Variants in SERINC5 observed in about 807,000 individuals in gnomAD.
SERINC5 encodes chromosome 5 open reading frame 12.
A neutral mutation model predicts 63.1 loss-of-function variants in SERINC5; 41 were observed. That is an observed-to-expected ratio of 0.65 (90% CI 0.51 to 0.84). The LOEUF (loss-of-function observed/expected upper bound fraction) is 0.84. Among genes scored for constraint, SERINC5 ranks in the 40% least tolerant of loss-of-function variants. The pLI is 0.00. For missense variants in SERINC5, 523 were observed against 573.0 expected (o/e 0.91, Z 0.89); for synonymous variants, 222 against 215.2 (o/e 1.03, Z -0.28).
chr5:80,135,866 T>C (rs1399049371), downstream of SERINC5, among the ~76,000 whole-genome samples: 1 of 146,004 alleles, frequency 6.8e-6, no homozygotes, highest in African/African-American at 2.5e-5. Context: ...AGTATCTATG[T>C]GGGAAGAAGC....
chr5:80,177,692 G>A (rs1203445286), intron 3 of SERINC5, among the ~76,000 whole-genome samples, 194 bp downstream of exon 3: 1 of 152,156 alleles, frequency 6.6e-6, no homozygotes, highest in Non-Finnish European at 1.5e-5. Context: ...TCGCATCATG[G>A]TACCAGGTGT....
chr5:80,206,617 G>A (rs571562193), intron 1 of SERINC5, among the ~76,000 whole-genome samples: 1 of 152,190 alleles, frequency 6.6e-6, no homozygotes, highest in East Asian at 1.9e-4. Flanking sequence ...GCATGTGTGG[G>A]TGTTTTATGG....
chr5:80,129,944 C>G (rs1259653977), intron 11 of SERINC5, among the ~76,000 whole-genome samples: 2 of 152,194 alleles, frequency 1.3e-5, no homozygotes, highest in Non-Finnish European at 2.9e-5. Context: ...TGCAGTCTTC[C>G]TCAATATCGT....
At chr5:80,136,416 C>T, downstream of SERINC5, among the ~76,000 whole-genome samples, 1 of 152,184 alleles carries the variant, frequency 6.6e-6, no homozygotes, top group African/African-American at 2.4e-5. Context: ...TTTATATTCT[C>T]AACAATTAGC....
chr5:80,160,185 A>G (rs1284309029), intron 7 of SERINC5, among the ~76,000 whole-genome samples: 2 of 152,144 alleles, frequency 1.3e-5, no homozygotes, highest in Non-Finnish European at 2.9e-5. Context: ...AGGACACCCA[A>G]CTGATGTCCA....
chr5:80,120,790 G>C (rs962158162), intron 11 of SERINC5, among the ~76,000 whole-genome samples: 7 of 152,060 alleles, frequency 4.6e-5, no homozygotes, highest in African/African-American at 7.2e-5. Flanking sequence ...CCAGCCTGGG[G>C]GACAGAGTGA....
intron 2 of SERINC5, among the ~76,000 whole-genome samples, chr5:80,188,680 G>A (rs1485234741): frequency 6.6e-6 from 1 of 152,116 alleles, no homozygotes; most frequent in African/African-American, 2.4e-5. Context: ...GAGCCCCGGA[G>A]TTCAAGACCA....
chr5:80,146,451 TTTTA>T (rs1231256109), intron 10 of SERINC5, among the ~76,000 whole-genome samples: 2 of 152,102 alleles, frequency 1.3e-5, no homozygotes, highest in Non-Finnish European at 1.5e-5. Context: ...CCACATTTAT[TTTTA>T]TTTATTTATT....
rs55865818 is a variant in SERINC5 at position 80,174,369 on chromosome 5, A to AAATAATAATAATAATAATAAT, written c.551+564_551+584dup. ...ATGACAAAGTGGGATCCCATCTCAA[A>AAATAATAATAATAATAATAAT]AATAATAATAATAATAATAATAATA... is the stretch of plus-strand genomic sequence containing the variant. On this transcript the variant is annotated intron_variant, in intron 5 of 11. Coordinates refer to ENST00000507668, the MANE Select transcript of SERINC5 (RefSeq NM_001174072.3). 7.4e-3 allele frequency among the ~76,000 whole-genome samples: 972 copies of AAATAATAATAATAATAATAAT among 131,680 alleles called. 8 individuals are homozygous for AAATAATAATAATAATAATAAT. Among genetic ancestry groups the AAATAATAATAATAATAATAAT allele is most frequent in the East Asian group, 0.029 (126 of 4,388 alleles). The allele number at this position is 131,680 out of a possible 152,430, so 86.4% of individuals were successfully genotyped here. A position where few individuals can be genotyped will look rare whatever the true frequency, so the allele number is the denominator to read the frequency against.
At chr5:80,234,355 T>G (rs1561446611) in intron 1 of SERINC5, among the ~76,000 whole-genome samples, 1 of 152,180 alleles carries the variant, frequency 6.6e-6, no homozygotes, top group Non-Finnish European at 1.5e-5. Context: ...TTAAGAAAAA[T>G]CTACATTTAC....
Position 80,175,042 on chromosome 5 carries a change from G to T in SERINC5, c.463C>A (p.Arg155Ser). 2 of 1,587,906 alleles carry T rather than the reference G, an allele frequency of 1.3e-6. No individual in the cohort carries two copies. Among genetic ancestry groups the T allele is most frequent in the Non-Finnish European group, 8.6e-7 (1 of 1,166,064 alleles). ...AAGCCTCCGACGGCTCCCACATAGC[G>T]CCAGGCTGCAAAAGACCATGAAGAA... ...PDQDTFLNAW[R>S]YVGAVGGFLF... The change falls in exon 5 of 12, where the codon CGC becomes AGC. Residue 155 changes from arginine (R) to serine (S), a missense_variant. By Grantham distance (110) the Arg-to-Ser change is moderately radical. Transcript: ENST00000507668.
At chr5:80,208,631 C>T (rs1268057847) in intron 1 of SERINC5, among the ~76,000 whole-genome samples, 1 of 152,142 alleles carries the variant, frequency 6.6e-6, no homozygotes, top group African/African-American at 2.4e-5. Context: ...GTAGATACTG[C>T]ATACTCTCCT....
chr5:80,174,404 A>ATAATAATAAT (rs1554064063), intron 5 of SERINC5, among the ~76,000 whole-genome samples: 10,946 of 145,276 alleles, frequency 0.075, 502 homozygotes, highest in Non-Finnish European at 0.1. Context: ...AATAATAATA[A>ATAATAATAAT]AAGAAAAAGA....
intron 1 of SERINC5, among the ~76,000 whole-genome samples, chr5:80,233,970 C>A (rs1020703071): frequency 6.6e-6 from 1 of 151,760 alleles, no homozygotes; most frequent in African/African-American, 2.4e-5. Context: ...CGCCACCATG[C>A]CCAGCTAATT....
intron 5 of SERINC5, among the ~76,000 whole-genome samples, chr5:80,170,931 C>T (rs758470518): frequency 2.6e-5 from 4 of 152,142 alleles, no homozygotes; most frequent in Admixed American, 6.6e-5. Context: ...CACCTGAGCT[C>T]GGGTGGATGA....
chr5:80,124,087 A>C (rs956872213), intron 11 of SERINC5, among the ~76,000 whole-genome samples: 8 of 152,220 alleles, frequency 5.3e-5, no homozygotes, highest in African/African-American at 1.9e-4. Context: ...ATCTGTGGCA[A>C]CTAGCCTGGG....
chr5:80,191,147 G>A (rs1005433718), intron 2 of SERINC5, among the ~76,000 whole-genome samples: 1 of 146,458 alleles, frequency 6.8e-6, no homozygotes, highest in Non-Finnish European at 1.5e-5. Flanking sequence ...GTCAATGTGA[G>A]TCTGCCTAAT....
intron 1 of SERINC5, among the ~76,000 whole-genome samples, chr5:80,248,675 A>G (rs1752262396): frequency 6.6e-6 from 1 of 152,224 alleles, no homozygotes; most frequent in Non-Finnish European, 1.5e-5. Flanking sequence ...ACATCTTTAT[A>G]AAGATGAACA....
chr5:80,172,956 C>T (rs568524220), intron 5 of SERINC5, among the ~76,000 whole-genome samples: 1 of 152,152 alleles, frequency 6.6e-6, no homozygotes, highest in Non-Finnish European at 1.5e-5. Context: ...TCCCCTTGTT[C>T]ATTTAACAAT....
Sources: gnomAD v4.1 joint callset for allele counts (sites outside exome capture counted in the v4.1 genomes callset) on GRCh38, gnomAD v4.1.1 for gene constraint, MANE v1.5 for transcripts, NCBI Gene and HGNC (gene_info 2026-07-23, HGNC 2026-07-21) for gene names.